PRUNE2: variants seen among roughly 807,000 people sequenced by gnomAD.
PRUNE2 encodes protein prune homolog 2.
PRUNE2 carries 164 observed loss-of-function variants against 252.0 expected under a neutral mutation model. That is an observed-to-expected ratio of 0.65 (90% CI 0.57 to 0.74). PRUNE2 has a LOEUF of 0.74. Among genes scored for constraint, PRUNE2 ranks in the 30% least tolerant of loss-of-function variants. The pLI is 0.00. For missense variants in PRUNE2, 3,495 were observed against 3,711.0 expected (o/e 0.94, Z 1.51); for synonymous variants, 1,292 against 1,350.2 (o/e 0.96, Z 0.94).
chr9:76,846,451 A>G (rs1158620634), intron 4 of PRUNE2, 64 bp downstream of exon 4: 2 of 1,400,294 alleles, frequency 1.4e-6, no homozygotes, highest in Non-Finnish European at 9.7e-7. Flanking sequence ...TTCTTTCTAC[A>G]TGAGCAGGCT....
intron 6 of PRUNE2, among the ~76,000 whole-genome samples, chr9:76,751,147 C>T (rs1350423982): frequency 2.0e-5 from 3 of 152,138 alleles, no homozygotes; most frequent in Non-Finnish European, 4.4e-5. Flanking sequence ...CAAATAGCCT[C>T]ATCTAATGCA....
intron 6 of PRUNE2, among the ~76,000 whole-genome samples, chr9:76,749,751 C>G (rs994492778): frequency 6.6e-5 from 10 of 152,126 alleles, no homozygotes; most frequent in African/African-American, 2.4e-4. Flanking sequence ...CCTCATTTGC[C>G]AAGCAGGAAA....
rs532329397 is a variant in PRUNE2 at position 76,765,262 on chromosome 9, T to TG, written c.757-51542dup. Among the ~76,000 whole-genome samples, 401 of 152,058 alleles carry TG rather than the reference T, an allele frequency of 2.6e-3. 1 individual carries two copies. The highest frequency in any genetic ancestry group is 9.4e-3 in the African/African-American group (390 of 41,462). On this transcript the variant is annotated intron_variant, in intron 6 of 18. Coordinates refer to ENST00000376718, the MANE Select transcript of PRUNE2 (RefSeq NM_015225.3). The stretch of plus-strand genomic sequence containing the variant: ...AAACAGAAACAGAGCTTCCAGCAGG[T>TG]GGGGGGCATTTGGAAGAAAACGATG...
chr9:76,723,877 G>A (rs1588853545), intron 6 of PRUNE2, among the ~76,000 whole-genome samples: 1 of 148,736 alleles, frequency 6.7e-6, no homozygotes, highest in Non-Finnish European at 1.5e-5. Context: ...GTGCGATCTC[G>A]GCTCACTGCA....
At chr9:76,893,293 T>C (rs2062602542) in intron 1 of PRUNE2, among the ~76,000 whole-genome samples, 1 of 152,198 alleles carries the variant, frequency 6.6e-6, no homozygotes, top group South Asian at 2.1e-4. Flanking sequence ...GATTCTATAG[T>C]AGTTTCCAGT....
chr9:76,638,372 C>T lies in PRUNE2; in HGVS notation c.8729-84G>A, dbSNP rs983950568. 34 of 906,766 alleles carry T rather than the reference C, an allele frequency of 3.7e-5. No homozygotes were observed. In the Admixed American group the frequency reaches 5.7e-4, roughly 15 times the overall value. 56.2% of individuals were successfully genotyped at this position (906,766 alleles called of 1,614,324 possible). On this transcript the variant is annotated intron_variant, in intron 12 of 18. Coordinates refer to ENST00000376718, the MANE Select transcript of PRUNE2 (RefSeq NM_015225.3). ...CTGACCTAATGGATAAATATGAAGC[C>T]TTGGCAAGTGTGTCTTTGTGGGTAT...
At chr9:76,804,320 C>T (rs1219604740) in intron 6 of PRUNE2, among the ~76,000 whole-genome samples, 1 of 152,244 alleles carries the variant, frequency 6.6e-6, no homozygotes, top group African/African-American at 2.4e-5. Flanking sequence ...TTGATGCCCC[C>T]GCCCCCTTCC....
intron 18 of PRUNE2, among the ~76,000 whole-genome samples, chr9:76,617,180 A>T (rs981736338): frequency 5.3e-5 from 8 of 152,320 alleles, no homozygotes; most frequent in African/African-American, 1.9e-4. Context: ...ACAAACTGTC[A>T]GACAATATTG....
intron 1 of PRUNE2, among the ~76,000 whole-genome samples, chr9:76,901,404 A>G (rs1484331209): frequency 6.6e-6 from 1 of 152,194 alleles, no homozygotes; most frequent in Non-Finnish European, 1.5e-5. Context: ...CTCTGATCAG[A>G]ATAAGCTCAG....
chr9:76,703,745 G>C lies in PRUNE2; in HGVS notation c.7868C>G (p.Ser2623Cys). 1 of 1,613,712 alleles carries C rather than the reference G, an allele frequency of 6.2e-7. No homozygotes were observed. Among genetic ancestry groups the C allele is most frequent in the Non-Finnish European group, 8.5e-7 (1 of 1,179,860 alleles). ...CTGGTCTTGTGCAGGGCTTTCAAAA[G>C]ATGATCTCGTATCGCTTTTAGAAGA... The part of the protein sequence containing the change: ...KMSSKSDTRS[S>C]FESPAQDQSW... The change falls in exon 9 of 19, where the codon TCT (serine) becomes TGT (cysteine). Residue 2623 changes from serine to cysteine, a missense_variant. Coordinates refer to ENST00000376718, the MANE Select transcript of PRUNE2 (RefSeq NM_015225.3).
At chr9:76,772,857 A>C (rs2053269525) in intron 6 of PRUNE2, among the ~76,000 whole-genome samples, 1 of 152,166 alleles carries the variant, frequency 6.6e-6, no homozygotes, top group East Asian at 1.9e-4. Flanking sequence ...GAGCCACTGT[A>C]CCCAGCCTGA....
rs368206688 is a variant in PRUNE2 at position 76,755,752 on chromosome 9, G to A, written c.757-42031C>T. The stretch of plus-strand genomic sequence containing the variant: ...GGTCTCACTTTGTCACCCCAGGCTG[G>A]AGTGCAGTGACGCAATCTCGGCTCA... On this transcript the variant is annotated intron_variant, in intron 6 of 18. Transcript: ENST00000376718. 5.5e-4 allele frequency among the ~76,000 whole-genome samples: 84 copies of A among 152,204 alleles called. No homozygotes were observed. In the South Asian group the frequency reaches 0.017, roughly 31 times the overall value.
rs189065909 is a variant in PRUNE2 at position 76,793,998 on chromosome 9, C to A, written c.756+29634G>T. ...AAGGGCTTGGGCAACCACAGATATC[C>A]CTTTGTTTCTTAACAATGCTTTGCT... On this transcript the variant is annotated intron_variant, in intron 6 of 18. Coordinates refer to ENST00000376718, the MANE Select transcript of PRUNE2 (RefSeq NM_015225.3). Among the ~76,000 whole-genome samples the A allele has an allele frequency of 3.4e-3, 522 of 152,234 alleles. 3 individuals are homozygous for A. Among genetic ancestry groups the A allele is most frequent in the Non-Finnish European group, 5.4e-3 (367 of 68,020 alleles).
chr9:76,798,726 C>A (rs2056314005), intron 6 of PRUNE2, among the ~76,000 whole-genome samples: 1 of 152,178 alleles, frequency 6.6e-6, no homozygotes, highest in African/African-American at 2.4e-5. Flanking sequence ...CCACAAGCCT[C>A]CCCCATCTTC....
chr9:76,793,711 C>T (rs975758757), intron 6 of PRUNE2, among the ~76,000 whole-genome samples: 2 of 151,974 alleles, frequency 1.3e-5, no homozygotes, highest in African/African-American at 4.8e-5. Context: ...TAATTTTCAG[C>T]CCTGTTCCTA....
chr9:76,671,672 A>G (rs550675372), intron 9 of PRUNE2, among the ~76,000 whole-genome samples: 21 of 152,282 alleles, frequency 1.4e-4, no homozygotes, highest in African/African-American at 5.1e-4. Flanking sequence ...GTTACCATCA[A>G]AGGGAAGCCC....
intron 9 of PRUNE2, among the ~76,000 whole-genome samples, chr9:76,664,597 T>G (rs1315201786): frequency 6.6e-6 from 1 of 152,202 alleles, no homozygotes; most frequent in African/African-American, 2.4e-5. Flanking sequence ...CTCGGCTCAC[T>G]CCAGTCTCCA....
chr9:76,684,093 G>A (rs974280413), intron 9 of PRUNE2, among the ~76,000 whole-genome samples: 3 of 151,912 alleles, frequency 2.0e-5, no homozygotes, highest in African/African-American at 7.3e-5. Flanking sequence ...TTTTTGTGGT[G>A]AAAACATTTA....
chr9:76,825,491 C>T (rs1049037206), intron 5 of PRUNE2, among the ~76,000 whole-genome samples: 8 of 152,212 alleles, frequency 5.3e-5, no homozygotes, highest in Non-Finnish European at 1.2e-4. Context: ...CCCACATAAA[C>T]CACTTTGCCT....
Sources: gnomAD v4.1 joint callset for allele counts (sites outside exome capture counted in the v4.1 genomes callset) on GRCh38, gnomAD v4.1.1 for gene constraint, MANE v1.5 for transcripts, NCBI Gene and HGNC (gene_info 2026-07-23, HGNC 2026-07-21) for gene names.